INPP4B: variants seen among roughly 807,000 people sequenced by gnomAD.
The protein encoded by INPP4B is inositol polyphosphate 4-phosphatase type II.
Under a neutral mutation model 122.5 loss-of-function variants are expected in INPP4B, and 55 were observed. That is an observed-to-expected ratio of 0.45 (90% confidence interval 0.36 to 0.56). The LOEUF is 0.56. Ranked by LOEUF, INPP4B falls within the 20% of genes least tolerant of loss-of-function variation. The probability of loss-of-function intolerance (pLI) is 0.00; values close to 1 mark genes in which losing one functional copy is unlikely to be tolerated. For synonymous variants in INPP4B, 403 were observed against 388.7 expected (o/e 1.04, Z -0.43); for missense variants, 1,000 against 1,097.7 (o/e 0.91, Z 1.26).
At chr4:142,571,232 T>G (rs1732752632) in intron 2 of INPP4B, among the ~76,000 whole-genome samples, 1 of 152,056 alleles carries the variant, frequency 6.6e-6, no homozygotes, top group Non-Finnish European at 1.5e-5. Flanking sequence ...CCACTCATTT[T>G]TAATCTGGAT....
chr4:142,645,517 C>T (rs1298436811), intron 2 of INPP4B, among the ~76,000 whole-genome samples: 2 of 152,148 alleles, frequency 1.3e-5, no homozygotes, highest in African/African-American at 2.4e-5. Context: ...TAAATTTTGG[C>T]CAATAGAATG....
chr4:142,724,990 C>T (rs1765155319), intron 2 of INPP4B, among the ~76,000 whole-genome samples: 3 of 152,166 alleles, frequency 2.0e-5, no homozygotes, highest in Admixed American at 1.3e-4. Flanking sequence ...CATACAGTGT[C>T]ATCACATCTT....
intron 1 of INPP4B, among the ~76,000 whole-genome samples, chr4:142,754,953 C>T (rs766660404): frequency 6.6e-6 from 1 of 151,944 alleles, no homozygotes; most frequent in Non-Finnish European, 1.5e-5. Context: ...CATCAAATTA[C>T]TTAATTTCTT....
intron 11 of INPP4B, among the ~76,000 whole-genome samples, chr4:142,242,157 T>A (rs1053070106): frequency 2.6e-5 from 4 of 152,226 alleles, no homozygotes; most frequent in African/African-American, 9.6e-5. Context: ...TCCTCATTTG[T>A]ATTTGAAGAT....
At chr4:142,365,995 A>C (rs1036870146) in intron 7 of INPP4B, among the ~76,000 whole-genome samples, 1 of 152,108 alleles carries the variant, frequency 6.6e-6, no homozygotes, top group African/African-American at 2.4e-5. Context: ...TGTGACCTGC[A>C]CATGTATGTC....
intron 5 of INPP4B, chr4:142,423,685 ACAT>A: frequency 2.9e-6 from 1 of 342,652 alleles, no homozygotes; most frequent in Non-Finnish European, 5.6e-6. Context: ...AGGACGGTAC[ACAT>A]CATTTACCTG....
At chr4:142,783,114 C>T (rs1052176756) in intron 1 of INPP4B, among the ~76,000 whole-genome samples, 13 of 152,008 alleles carry the variant, frequency 8.6e-5, no homozygotes, top group Non-Finnish European at 1.6e-4. Flanking sequence ...GCAAGGACTT[C>T]ATGTCTAAAA....
intron 18 of INPP4B, among the ~76,000 whole-genome samples, chr4:142,130,312 G>C (rs75722414): frequency 0.023 from 3,440 of 152,248 alleles, 147 homozygotes; most frequent in African/African-American, 0.078. Context: ...GAGAAACAGG[G>C]GGTACTGGAA....
chr4:142,837,974 T>C (rs1439868646), intron 1 of INPP4B, among the ~76,000 whole-genome samples: 2 of 151,306 alleles, frequency 1.3e-5, no homozygotes, highest in Non-Finnish European at 2.9e-5. Flanking sequence ...TAATAATTCA[T>C]AGGCCTATTA....
At chr4:142,778,526 C>T (rs1053887161) in intron 1 of INPP4B, among the ~76,000 whole-genome samples, 3 of 152,114 alleles carry the variant, frequency 2.0e-5, no homozygotes, top group Admixed American at 6.6e-5. Context: ...CATTTGATTA[C>T]CCTTCTCTTA....
At chr4:142,427,263 C>G (rs1250161998) in intron 5 of INPP4B, 1 of 313,628 alleles carries the variant, frequency 3.2e-6, no homozygotes, top group African/African-American at 2.2e-5. Flanking sequence ...ATCAACAATA[C>G]AGTTCCATGA....
At chr4:142,674,479 T>C (rs1329985758) in intron 2 of INPP4B, among the ~76,000 whole-genome samples, 1 of 152,110 alleles carries the variant, frequency 6.6e-6, no homozygotes, top group African/African-American at 2.4e-5. Context: ...TGCCATTTAT[T>C]AGCAAGAATA....
intron 1 of INPP4B, among the ~76,000 whole-genome samples, chr4:142,812,828 A>G (rs1779672917): frequency 6.6e-6 from 1 of 152,138 alleles, no homozygotes; most frequent in Admixed American, 6.6e-5. Flanking sequence ...GACAGGTTGT[A>G]TATGTAAAAG....
At chr4:142,638,862 A>G (rs1475411133) in intron 2 of INPP4B, among the ~76,000 whole-genome samples, 1 of 152,110 alleles carries the variant, frequency 6.6e-6, no homozygotes, top group Non-Finnish European at 1.5e-5. Context: ...TCTATTCTTA[A>G]TGGAAAAGCT....
At position 142,720,809 on chromosome 4, in the gene INPP4B, C is replaced by CTATATATATATA. The variant is rs70949184; in HGVS notation, c.-191+5018_-191+5029dup. Among the ~76,000 whole-genome samples, 83 of 12,914 alleles carry CTATATATATATA rather than the reference C, an allele frequency of 6.4e-3. 6 individuals are homozygous for CTATATATATATA. Among genetic ancestry groups the CTATATATATATA allele is most frequent in the Non-Finnish European group, 0.01 (64 of 6,314 alleles). The allele number at this position is 12,914 out of a possible 152,430, so 8.5% of individuals were successfully genotyped here. On this transcript the variant is annotated intron_variant, in intron 2 of 25. Coordinates refer to ENST00000262992, the MANE Select transcript of INPP4B (RefSeq NM_001101669.3). ...TCTCTCTCTCTCTCTCTCTCTCTCTCTATATATATATATATATATAGTTTT... is the reference window on the plus strand; with the variant it reads ...TCTCTCTCTCTCTCTCTCTCTCTCTCTATATATATATATATATATATATATATATATAGTTTT...
intron 2 of INPP4B, among the ~76,000 whole-genome samples, chr4:142,723,707 G>T (rs1764985177): frequency 6.6e-6 from 1 of 151,998 alleles, no homozygotes; most frequent in South Asian, 2.1e-4. Flanking sequence ...AAGAAAAGCT[G>T]AATGGTTCCA....
At chr4:142,550,049 T>G (rs1727599744) in intron 2 of INPP4B, among the ~76,000 whole-genome samples, 1 of 152,180 alleles carries the variant, frequency 6.6e-6, no homozygotes, top group African/African-American at 2.4e-5. Flanking sequence ...ACAACTGTCC[T>G]TTTGTTTAAA....
chr4:142,193,052 A>G, intron 15 of INPP4B, 35 bp downstream of exon 15: 2 of 1,261,096 alleles, frequency 1.6e-6, no homozygotes, highest in Non-Finnish European at 2.3e-6. Flanking sequence ...AGATGTTATT[A>G]ATGGAATCTG....
At chr4:142,753,099 G>A (rs1362522099) in intron 1 of INPP4B, among the ~76,000 whole-genome samples, 1 of 152,060 alleles carries the variant, frequency 6.6e-6, no homozygotes, top group Non-Finnish European at 1.5e-5. Flanking sequence ...GAACTTTTTA[G>A]TAAGAATAAG....
Sources: gnomAD v4.1 joint callset for allele counts (sites outside exome capture counted in the v4.1 genomes callset) on GRCh38, gnomAD v4.1.1 for gene constraint, MANE v1.5 for transcripts, NCBI Gene and HGNC (gene_info 2026-07-23, HGNC 2026-07-21) for gene names.